The following DAPK1 variants were observed in gnomAD, a reference collection of about 807,000 sequenced individuals.
DAPK1 encodes death associated protein kinase 1.
Under a neutral mutation model 144.9 loss-of-function variants are expected in DAPK1, and 56 were observed. The observed-to-expected ratio is 0.39, with a 90% CI of 0.31 to 0.48. The LOEUF is 0.48. DAPK1 is among the 20% of genes least tolerant of loss of function. The probability of loss-of-function intolerance (pLI) is 0.95; values close to 1 mark genes in which losing one functional copy is unlikely to be tolerated. For synonymous variants in DAPK1, 690 were observed against 749.0 expected, an observed-to-expected ratio of 0.92 and a Z score of 1.29; for missense variants, 1,454 against 1,875.4, an observed-to-expected ratio of 0.78 and a Z score of 4.15.
At chr9:87,573,292 A>G (rs939262209) in intron 2 of DAPK1, among the ~76,000 whole-genome samples, 1 of 152,210 alleles carries the variant, frequency 6.6e-6, no homozygotes, top group African/African-American at 2.4e-5. Context: ...CTACCTTGTA[A>G]CCTGAGCCAG....
intron 18 of DAPK1, among the ~76,000 whole-genome samples, chr9:87,658,422 GGT>G (rs947244728): frequency 6.6e-6 from 1 of 152,154 alleles, no homozygotes; most frequent in African/African-American, 2.4e-5. Flanking sequence ...TGCATGGTGG[GGT>G]GTGTGTACTT....
chr9:87,702,539 G>T (rs1725529813), intron 24 of DAPK1, among the ~76,000 whole-genome samples: 1 of 152,202 alleles, frequency 6.6e-6, no homozygotes, highest in African/African-American at 2.4e-5. Flanking sequence ...AGAAAGGAGG[G>T]AGGGAGGAAA....
intron 2 of DAPK1, among the ~76,000 whole-genome samples, chr9:87,596,917 C>T (rs890537833): frequency 5.6e-4 from 84 of 148,674 alleles, no homozygotes; most frequent in African/African-American, 2.0e-3. Context: ...CTCAGGTGGT[C>T]GCATTGAGAG....
At chr9:87,513,136 A>G (rs1244599778) in intron 2 of DAPK1, among the ~76,000 whole-genome samples, 2 of 152,252 alleles carry the variant, frequency 1.3e-5, no homozygotes, top group African/African-American at 4.8e-5. Flanking sequence ...AGCTATAAAC[A>G]GGTACCATAA....
chr9:87,658,158 G>T (rs971257619), intron 18 of DAPK1, 31 bp downstream of exon 18: 1 of 857,178 alleles, frequency 1.2e-6, no homozygotes, highest in East Asian at 2.5e-5. Context: ...GTGAAGGAGG[G>T]AGCTGCTGGG....
chr9:87,705,296 C>G (rs1318321850), intron 25 of DAPK1, among the ~76,000 whole-genome samples: 3 of 141,832 alleles, frequency 2.1e-5, no homozygotes, highest in Non-Finnish European at 4.5e-5. Context: ...GGCTGGAGTG[C>G]AGTGGCACAA....
At chr9:87,507,679 T>C (rs1382656492) in intron 2 of DAPK1, among the ~76,000 whole-genome samples, 1 of 152,172 alleles carries the variant, frequency 6.6e-6, no homozygotes, top group Admixed American at 6.5e-5. Flanking sequence ...CATACAACTT[T>C]GGACGAAGAA....
intron 20 of DAPK1, among the ~76,000 whole-genome samples, chr9:87,683,085 A>ATTTTTT (rs1554704267): frequency 5.1e-4 from 57 of 112,588 alleles, no homozygotes; most frequent in African/African-American, 1.4e-3. Flanking sequence ...TATTTTATTT[A>ATTTTTT]TTTTTTTTTT....
intron 19 of DAPK1, among the ~76,000 whole-genome samples, chr9:87,679,322 TG>T (rs1327474753): frequency 1.3e-5 from 2 of 151,952 alleles, no homozygotes; most frequent in Non-Finnish European, 2.9e-5. Context: ...TGTGGGTTTG[TG>T]GGAACCCACA....
At chr9:87,674,531 A>T (rs1013017616) in intron 19 of DAPK1, among the ~76,000 whole-genome samples, 1 of 151,546 alleles carries the variant, frequency 6.6e-6, no homozygotes, top group East Asian at 1.9e-4. Flanking sequence ...AAAAAAAAAA[A>T]AAAAAAAAGT....
At chr9:87,673,755 G>A (rs532475428) in intron 19 of DAPK1, among the ~76,000 whole-genome samples, 7 of 152,158 alleles carry the variant, frequency 4.6e-5, no homozygotes, top group Non-Finnish European at 1.0e-4. Context: ...CTTGAAATCA[G>A]CCAGGGAGGG....
At chr9:87,603,117 A>G (rs752667603) in intron 2 of DAPK1, among the ~76,000 whole-genome samples, 1 of 151,956 alleles carries the variant, frequency 6.6e-6, no homozygotes, top group South Asian at 2.1e-4. Context: ...GGGCCTCCCT[A>G]TCCTGGGTCC....
chr9:87,534,290 A>C (rs1325635217), intron 2 of DAPK1, among the ~76,000 whole-genome samples: 1 of 148,906 alleles, frequency 6.7e-6, no homozygotes, highest in Admixed American at 6.7e-5. Flanking sequence ...TGCTGTTCCA[A>C]TTGGTTTGGC....
At chr9:87,586,779 A>G (rs1310370916) in intron 2 of DAPK1, among the ~76,000 whole-genome samples, 2 of 152,356 alleles carry the variant, frequency 1.3e-5, no homozygotes, top group East Asian at 1.9e-4. Context: ...GCATTTGGAA[A>G]GTTAATTCGA....
At chr9:87,517,158 G>T (rs1825093027) in intron 2 of DAPK1, among the ~76,000 whole-genome samples, 1 of 152,058 alleles carries the variant, frequency 6.6e-6, no homozygotes, top group East Asian at 1.9e-4. Flanking sequence ...GGCAGGGGAG[G>T]ACAGACAGAT....
chr9:87,678,387 C>T (rs769034598), intron 19 of DAPK1, among the ~76,000 whole-genome samples: 21 of 152,236 alleles, frequency 1.4e-4, no homozygotes, highest in Non-Finnish European at 2.5e-4. Flanking sequence ...CTGGGAAACC[C>T]AGCAGGTCCC....
At chr9:87,692,997 T>TTTTTTTTTTTTTTTTTTTTTTTTTTTTTG (rs1424586426) in intron 21 of DAPK1, among the ~76,000 whole-genome samples, 1 of 132,024 alleles carries the variant, frequency 7.6e-6, no homozygotes, top group Non-Finnish European at 1.6e-5. Context: ...TTTTTCTGTT[T>TTTTTTTTTTTTTTTTTTTTTTTTTTTTTG]TCAGACTTCC....
In DAPK1 at chr9:87,651,530, G is replaced by A. The variant is rs200262418; in HGVS notation, c.1630G>A (p.Gly544Arg). ...GATCTCTGGGGTTTGTTTCCAGGAC[G>A]GACACATTGCCCTTCATCTGGCTGT... ...GADLNACDKD[G>R]HIALHLAVRR... Residue 544 changes from glycine (G) to arginine (R), a missense_variant, in exon 17 of 26, where the codon GGA becomes AGA. Coordinates refer to ENST00000408954, the MANE Select transcript of DAPK1 (RefSeq NM_004938.4). 2.8e-5 allele frequency: 46 copies of A among 1,614,108 alleles called. No homozygotes were observed. The highest frequency in any genetic ancestry group is 4.5e-5 in the East Asian group (2 of 44,888).
In DAPK1 at chr9:87,525,327, G is replaced by A; in HGVS notation, c.62+26188G>A. 4 of 1,610,306 alleles carry A rather than the reference G, an allele frequency of 2.5e-6. No homozygotes were observed. The South Asian group carries it at 4.4e-5, about 18-fold the overall frequency. ...ATGGGTCACCAGCAGCTGTACTGGA[G>A]CCACCCGCGAAAATTCGGCCAGGGT... On this transcript the variant is annotated intron_variant, in intron 2 of 25. Coordinates refer to ENST00000408954, the MANE Select transcript of DAPK1 (RefSeq NM_004938.4).
Sources: allele counts gnomAD v4.1 joint callset (sites outside exome capture counted in the v4.1 genomes callset), GRCh38; gene constraint gnomAD v4.1.1; transcripts MANE v1.5; gene names NCBI Gene and HGNC (gene_info 2026-07-23, HGNC 2026-07-21).